The following FSIP2 variants were observed in gnomAD, a reference collection of about 807,000 sequenced individuals.
FSIP2 encodes the protein fibrous sheath interacting protein 2, also known as fibrous sheath-interacting protein 2.
In FSIP2, 367 loss-of-function variants were observed where a neutral mutation model predicts 510.5. The observed-to-expected ratio is 0.72, with a 90% CI of 0.66 to 0.78. FSIP2 has a LOEUF of 0.78. FSIP2 is among the 30% of genes least tolerant of loss of function. The pLI is 0.00. For synonymous variants in FSIP2, 2,601 were observed against 2,732.2 expected (o/e 0.95, Z 1.50); for missense variants, 7,594 against 7,901.7 (o/e 0.96, Z 1.48).
chr2:185,814,177 T>C, intron 18 of FSIP2, 135 bp downstream of exon 18: 2 of 873,466 alleles, frequency 2.3e-6, no homozygotes, highest in Non-Finnish European at 3.4e-6. Context: ...ATTTACAGGA[T>C]AAGGGAAATT....
At position 185,790,401 on chromosome 2, in the gene FSIP2, A is replaced by C; in HGVS notation, c.3265A>C (p.Lys1089Gln). The C allele has an allele frequency of 1.3e-6, 2 of 1,529,834 alleles. No individual in the cohort carries two copies. Among genetic ancestry groups the C allele is most frequent in the Non-Finnish European group, 1.7e-6 (2 of 1,144,506 alleles). The allele number at this position is 1,529,834 out of a possible 1,614,324, so 94.8% of individuals were successfully genotyped here. A position where few individuals can be genotyped will look rare whatever the true frequency, so the allele number is the denominator to read the frequency against. The change falls in exon 16 of 23, where the codon AAA (lysine) becomes CAA (glutamine). Residue 1089 changes from lysine to glutamine, a missense_variant. Physicochemically the swap from Lys to Gln is moderately conservative, Grantham distance 53. Coordinates refer to ENST00000424728, the MANE Select transcript of FSIP2 (RefSeq NM_173651.4). ...DILKKKLSSN[K>Q]DISTFSQDQK... Reference sequence around the variant, plus strand: ...TTTAAAGAAAAAACTTTCTTCGAATAAAGACATTTCAACTTTCAGCCAAGA... The same window carrying C: ...TTTAAAGAAAAAACTTTCTTCGAATCAAGACATTTCAACTTTCAGCCAAGA...
At chr2:185,764,757 A>G (rs1320134784) in intron 13 of FSIP2, 192 bp downstream of exon 13, 1 of 505,818 alleles carries the variant, frequency 2.0e-6, no homozygotes, top group Non-Finnish European at 3.5e-6. Context: ...GATAAGAGCA[A>G]TAAAGGAAGT....
At chr2:185,829,899 C>A (rs1394680175) in intron 21 of FSIP2, among the ~76,000 whole-genome samples, 1 of 151,822 alleles carries the variant, frequency 6.6e-6, no homozygotes, top group South Asian at 2.1e-4. Flanking sequence ...GAAAGAGGAA[C>A]CTCAAAAATC....
intron 21 of FSIP2, among the ~76,000 whole-genome samples, chr2:185,828,797 T>A (rs1171348322): frequency 6.6e-6 from 1 of 151,886 alleles, no homozygotes; most frequent in East Asian, 2.0e-4. Flanking sequence ...GTCTGTGTTT[T>A]TTAATCAGAT....
rs1173702401 is a variant in FSIP2 at position 185,828,203 on chromosome 2, A to T, written c.20517+4A>T. On this transcript the variant is annotated splice_donor_region_variant and intron_variant, in intron 21 of 22. Transcript: ENST00000424728. ...AGAGCATGGAAACAGTGTTAAGGTA[A>T]GTATTTTTAACTAGCCTTAGTTGAT... is the stretch of plus-strand genomic sequence containing the variant. 1.2e-5 allele frequency: 18 copies of T among 1,547,940 alleles called. No individual in the cohort carries two copies. Among genetic ancestry groups the T allele is most frequent in the Non-Finnish European group, 1.5e-5 (17 of 1,122,102 alleles).
chr2:185,790,463 A>G lies in FSIP2; in HGVS notation c.3327A>G (p.Ile1109Met). ...AAATAGAAAAGGCTTCAGAAAACAT[A>G]GTCACAAGTATTTTAAAGGAAATGC... is the stretch of plus-strand genomic sequence containing the variant. ...KHQIEKASEN[I>M]VTSILKEMLK... The change falls in exon 16 of 23, where the codon ATA (isoleucine) becomes ATG (methionine). Residue 1109 changes from isoleucine to methionine, a missense_variant. Coordinates refer to ENST00000424728, the MANE Select transcript of FSIP2 (RefSeq NM_173651.4). 4.6e-6 allele frequency: 7 copies of G among 1,534,050 alleles called. No individual in the cohort carries two copies. Among genetic ancestry groups the G allele is most frequent in the Non-Finnish European group, 6.1e-6 (7 of 1,145,542 alleles).
At position 185,800,318 on chromosome 2, in the gene FSIP2, ATAAGT is replaced by A. The variant is rs745854569; in HGVS notation, c.11020_11024del (p.Tyr3675CysfsTer3). ...CAAATTGGTCAACTTTTTCAAAAAA[ATAAGT>A]TAAGTTATCTTGCATGTAAGTTAAA... On this transcript the variant is annotated frameshift_variant, in exon 17 of 23. Coordinates refer to ENST00000424728, the MANE Select transcript of FSIP2 (RefSeq NM_173651.4). LOFTEE classifies it high-confidence loss of function. 91 of 1,533,730 alleles carry A rather than the reference ATAAGT, an allele frequency of 5.9e-5. 1 individual carries two copies. The highest frequency in any genetic ancestry group is 1.9e-4 in the South Asian group (16 of 83,818).
At position 185,791,310 on chromosome 2, in the gene FSIP2, G is replaced by A. The variant is rs764963733; in HGVS notation, c.4174G>A (p.Val1392Ile). 2.1e-5 allele frequency: 32 copies of A among 1,534,058 alleles called. No homozygotes were observed. The Middle Eastern group carries it at 1.5e-3, about 72-fold the overall frequency. Residue 1392 changes from valine (V) to isoleucine (I), a missense_variant, in exon 16 of 23, where the codon GTA becomes ATA. Transcript: ENST00000424728. Reference sequence around the variant, plus strand: ...AAAGTCTGCAACTGACAGTGTTGATGTACAAAGCATTTTGCCAAATAGGCA... The same window carrying A: ...AAAGTCTGCAACTGACAGTGTTGATATACAAAGCATTTTGCCAAATAGGCA... ...KPKSATDSVD[V>I]QSILPNRQDK...
intron 19 of FSIP2, among the ~76,000 whole-genome samples, chr2:185,818,562 TAGA>T (rs1474758445): frequency 2.0e-5 from 3 of 151,788 alleles, no homozygotes; most frequent in Non-Finnish European, 2.9e-5. Context: ...ATCTTTAAAG[TAGA>T]AGAAGGAAAG....
At chr2:185,833,024 G>A in intron 22 of FSIP2, 66 bp from the exon 23 acceptor site, 1 of 1,434,358 alleles carries the variant, frequency 7.0e-7, no homozygotes, top group Non-Finnish European at 9.8e-7. Context: ...TATGACCTTA[G>A]GCAAGGTATT....
chr2:185,811,883 A>G (rs1329160015), intron 17 of FSIP2, among the ~76,000 whole-genome samples: 1 of 152,102 alleles, frequency 6.6e-6, no homozygotes, highest in Non-Finnish European at 1.5e-5. Flanking sequence ...TAAAGAGCAA[A>G]TGAGACTTCT....
Position 185,791,347 on chromosome 2 carries a change from C to A in FSIP2, c.4211C>A (p.Ser1404Tyr), listed in dbSNP as rs368938664. 2.1e-5 allele frequency: 32 copies of A among 1,534,128 alleles called. No individual in the cohort carries two copies. The East Asian group carries it at 3.4e-4, about 16-fold the overall frequency. The change falls in exon 16 of 23, where the codon TCT becomes TAT. Residue 1404 changes from serine (S) to tyrosine (Y), a missense_variant. Physicochemically the swap from Ser to Tyr is moderately radical, Grantham distance 144. Coordinates refer to ENST00000424728, the MANE Select transcript of FSIP2 (RefSeq NM_173651.4). ...TTGCCAAATAGGCAAGATAAAAAAT[C>A]TTTTCACAAATATTTGGCTACTCCT... is the stretch of plus-strand genomic sequence containing the variant. ...SILPNRQDKK[S>Y]FHKYLATPCT...
intron 13 of FSIP2, among the ~76,000 whole-genome samples, chr2:185,770,298 A>T (rs1340983959): frequency 6.6e-6 from 1 of 152,080 alleles, no homozygotes; most frequent in African/African-American, 2.4e-5. Context: ...CTCCCTGGTT[A>T]GTGGTATTTC....
intron 7 of FSIP2, among the ~76,000 whole-genome samples, chr2:185,750,403 A>G (rs1415701795): frequency 6.6e-6 from 1 of 151,570 alleles, no homozygotes; most frequent in South Asian, 2.1e-4. Context: ...TTTATTGACA[A>G]AGTTGTTTAT....
rs1250802109 is a variant in FSIP2 at position 185,794,800 on chromosome 2, TG to T, written c.7665del (p.Thr2556HisfsTer23). 1 of 1,533,696 alleles carries T rather than the reference TG, an allele frequency of 6.5e-7. No homozygotes were observed. Among genetic ancestry groups the T allele is most frequent in the Admixed American group, 2.0e-5 (1 of 50,880 alleles). Reference protein sequence around the residue: ...SVLGKMYLVVVTSLYENNKSR... With the variant: ...SVLGKMYLVVXTSLYENNKSR... The stretch of plus-strand genomic sequence containing the variant: ...TTGGGGAAAATGTACTTGGTAGTTG[TG>T]ACATCATTATATGAAAATAATAAAA... On this transcript the variant is annotated frameshift_variant, in exon 16 of 23. Transcript: ENST00000424728. LOFTEE classifies it high-confidence loss of function.
rs1361723366 is a variant in FSIP2 at position 185,807,341 on chromosome 2, T to G, written c.18035T>G (p.Phe6012Cys). The G allele has an allele frequency of 6.2e-7, 1 of 1,610,806 alleles. No homozygotes were observed. The highest frequency in any genetic ancestry group is 8.5e-7 in the Non-Finnish European group (1 of 1,178,824). The change falls in exon 17 of 23, where the codon TTT becomes TGT. Residue 6012 changes from phenylalanine to cysteine, a missense_variant. Coordinates refer to ENST00000424728, the MANE Select transcript of FSIP2 (RefSeq NM_173651.4). ...SPYTIILPHK[F>C]LENVISALFS... is the part of the protein sequence containing the mutation. ...TATACAATAATATTACCTCATAAAT[T>G]TTTGGAGAATGTGATTTCTGCTCTT... is the stretch of plus-strand genomic sequence containing the variant.
intron 17 of FSIP2, 131 bp downstream of exon 17, chr2:185,809,264 A>C: frequency 1.1e-6 from 1 of 939,936 alleles, no homozygotes; most frequent in Non-Finnish European, 1.5e-6. Flanking sequence ...TAGGAGAATT[A>C]GTTGCATCAG....
At chr2:185,781,009 A>C (rs1574174126) in intron 13 of FSIP2, among the ~76,000 whole-genome samples, 1 of 151,118 alleles carries the variant, frequency 6.6e-6, no homozygotes, top group Non-Finnish European at 1.5e-5. Flanking sequence ...CTCCTTCTCC[A>C]CCCACAGCCA....
In FSIP2 at chr2:185,797,289, C is replaced by T; in HGVS notation, c.10153C>T (p.Gln3385Ter). Residue 3385 changes from glutamine (Q) to a stop codon, truncating the protein, a stop_gained, in exon 16 of 23, where the codon CAG becomes TAG. Coordinates refer to ENST00000424728, the MANE Select transcript of FSIP2 (RefSeq NM_173651.4). LOFTEE classifies it high-confidence loss of function. ...TAACGAAAAAAGTTTGCTTAGAATG[C>T]AGGATAAAAAAATCAACTATATACC... ...KDNEKSLLRM[Q>*]DKKINYIPEE... 6.5e-7 allele frequency: 1 copy of T among 1,532,374 alleles called. No homozygotes were observed. Among genetic ancestry groups the T allele is most frequent in the Non-Finnish European group, 8.7e-7 (1 of 1,145,620 alleles). The allele number at this position is 1,532,374 out of a possible 1,614,324, so 94.9% of individuals were successfully genotyped here.
Sources: gnomAD v4.1 joint callset for allele counts (sites outside exome capture counted in the v4.1 genomes callset) on GRCh38, gnomAD v4.1.1 for gene constraint, MANE v1.5 for transcripts, NCBI Gene and HGNC (gene_info 2026-07-23, HGNC 2026-07-21) for gene names.